Variants in MYO16 observed in about 807,000 individuals in gnomAD.
MYO16 encodes the protein myosin XVI.
Under a neutral mutation model 205.3 loss-of-function variants are expected in MYO16, and 94 were observed. That is an observed-to-expected ratio of 0.46 (90% CI 0.39 to 0.54). The LOEUF (loss-of-function observed/expected upper bound fraction) is 0.54. Among genes scored for constraint, MYO16 ranks in the 20% least tolerant of loss-of-function variants. MYO16 has a pLI of 0.00. For missense variants in MYO16, 2,315 were observed against 2,387.5 expected (o/e 0.97, Z 0.63); for synonymous variants, 988 against 954.0 (o/e 1.04, Z -0.66).
At chr13:109,115,428 G>A (rs1342798138) in intron 28 of MYO16, among the ~76,000 whole-genome samples, 1 of 152,080 alleles carries the variant, frequency 6.6e-6, no homozygotes, top group Non-Finnish European at 1.5e-5. Flanking sequence ...TTTTACAGGA[G>A]TCAGAATGAC....
chr13:108,785,527 C>A, intron 4 of MYO16, 108 bp from the exon 5 acceptor site: 2 of 582,640 alleles, frequency 3.4e-6, no homozygotes, highest in East Asian at 2.9e-5. Flanking sequence ...TGATATCTAC[C>A]GTAGACTATT....
At position 109,125,023 on chromosome 13, in the gene MYO16, C is replaced by G; in HGVS notation, c.3536-89C>G. On this transcript the variant is annotated intron_variant, in intron 29 of 34. Transcript: ENST00000457511. The surrounding 1 kb of genome is among the most constrained non-coding windows in gnomAD (Gnocchi z 4.0). Reference sequence around the variant, plus strand: ...AAATGTACCTTATTCTACAACTGCTCAGAGATAAGTATATTATGATTTTTG... The same window carrying G: ...AAATGTACCTTATTCTACAACTGCTGAGAGATAAGTATATTATGATTTTTG... 7.2e-7 allele frequency: 1 copy of G among 1,382,004 alleles called. No individual in the cohort carries two copies. Among genetic ancestry groups the G allele is most frequent in the Non-Finnish European group, 1.0e-6 (1 of 1,003,322 alleles). 85.6% of individuals were successfully genotyped at this position (1,382,004 alleles called of 1,614,324 possible). A position where few individuals can be genotyped will look rare whatever the true frequency, so the allele number is the denominator to read the frequency against.
rs138313677 is a variant in MYO16, at chr13:108,985,475, C to T, written c.2370-6901C>T. ...CCCAAGAAGTGGACCTCCGCTTTGA[C>T]AGCGTAGCATGTAGCTGACGTGTCA... On this transcript the variant is annotated intron_variant, in intron 20 of 34. Coordinates refer to ENST00000457511, the MANE Select transcript of MYO16 (RefSeq NM_001198950.3). 4.0e-3 allele frequency among the ~76,000 whole-genome samples: 609 copies of T among 152,300 alleles called. 2 individuals carry two copies. Among genetic ancestry groups the T allele is most frequent in the Middle Eastern group, 0.017 (5 of 294 alleles).
chr13:108,728,852 T>G (rs1162100346), intron 4 of MYO16, among the ~76,000 whole-genome samples: 1 of 152,232 alleles, frequency 6.6e-6, no homozygotes, highest in African/African-American at 2.4e-5. Flanking sequence ...ACTGCCCCTC[T>G]TCCCCCCCTC....
chr13:108,629,966 A>G, intron 1 of MYO16, 94 bp downstream of exon 1: 1 of 1,066,534 alleles, frequency 9.4e-7, no homozygotes, highest in Non-Finnish European at 1.4e-6. Flanking sequence ...CTCCTGGTAT[A>G]CCACATTCAG....
At chr13:108,739,402 G>A (rs1463670286) in intron 4 of MYO16, among the ~76,000 whole-genome samples, 1 of 152,110 alleles carries the variant, frequency 6.6e-6, no homozygotes, top group Non-Finnish European at 1.5e-5. Flanking sequence ...ATGAAGCTTA[G>A]TTTGGCTGGA....
chr13:109,158,922 T>C (rs1244309309), intron 32 of MYO16, among the ~76,000 whole-genome samples: 2 of 152,320 alleles, frequency 1.3e-5, no homozygotes, highest in African/African-American at 4.8e-5. Context: ...CCCCTTCACG[T>C]AACTACGGGT....
chr13:108,939,812 C>A (rs543030561), intron 16 of MYO16, among the ~76,000 whole-genome samples: 2 of 152,026 alleles, frequency 1.3e-5, no homozygotes, highest in African/African-American at 4.8e-5. Flanking sequence ...GTGGTACTAC[C>A]TATAGTGTTG....
At chr13:108,949,297 C>T (rs1594418474) in intron 16 of MYO16, among the ~76,000 whole-genome samples, 1 of 152,058 alleles carries the variant, frequency 6.6e-6, no homozygotes, top group African/African-American at 2.4e-5. Flanking sequence ...AACCAAGGAG[C>T]TTAAAAAGCA....
chr13:108,896,128 T>C (rs889117674), intron 14 of MYO16, among the ~76,000 whole-genome samples: 5 of 152,160 alleles, frequency 3.3e-5, no homozygotes, highest in African/African-American at 1.2e-4. Context: ...TAATTACCTG[T>C]AATGTCCTTT....
At chr13:109,068,052 G>A (rs982781665) in intron 27 of MYO16, among the ~76,000 whole-genome samples, 4 of 152,066 alleles carry the variant, frequency 2.6e-5, no homozygotes, top group Non-Finnish European at 4.4e-5. Context: ...CAAATGAAAC[G>A]AAGGTGATTA....
At chr13:108,757,477 TTG>T (rs1222312016) in intron 4 of MYO16, among the ~76,000 whole-genome samples, 1 of 151,274 alleles carries the variant, frequency 6.6e-6, no homozygotes, top group East Asian at 1.9e-4. Context: ...AGCTAGTTTT[TTG>T]GGGTTTTTTT....
intron 12 of MYO16, among the ~76,000 whole-genome samples, chr13:108,871,300 G>A (rs1879040656): frequency 7.0e-6 from 1 of 143,512 alleles, no homozygotes; most frequent in African/African-American, 2.6e-5. Flanking sequence ...CTAATATTGA[G>A]GTCTGTTTCT....
chr13:108,496,671 G>T, the MYO16 span, among the ~76,000 whole-genome samples: 1 of 152,212 alleles, frequency 6.6e-6, no homozygotes, highest in Non-Finnish European at 1.5e-5. Context: ...GACGATTTCC[G>T]TCAAGTTCTC....
intron 27 of MYO16, among the ~76,000 whole-genome samples, chr13:109,068,684 C>A (rs775062668): frequency 6.6e-6 from 1 of 151,866 alleles, no homozygotes; most frequent in South Asian, 2.1e-4. Context: ...CTCCACCTCC[C>A]GAGTTCAAGC....
the MYO16 span, among the ~76,000 whole-genome samples, chr13:108,521,588 G>A: frequency 6.6e-6 from 1 of 152,118 alleles, no homozygotes; most frequent in Non-Finnish European, 1.5e-5. Context: ...ACTTACTGCG[G>A]TCACCTTTTG....
intron 1 of MYO16, among the ~76,000 whole-genome samples, chr13:108,661,553 C>A (rs1307346938): frequency 6.6e-6 from 1 of 152,072 alleles, no homozygotes; most frequent in Non-Finnish European, 1.5e-5. Context: ...AAATTTCTTT[C>A]TTCTACTTGT....
At chr13:109,134,699 G>A (rs1217674905) in intron 31 of MYO16, among the ~76,000 whole-genome samples, 1 of 152,198 alleles carries the variant, frequency 6.6e-6, no homozygotes, top group Non-Finnish European at 1.5e-5. Context: ...GAGAGAGAAA[G>A]CAGTAGATGC....
At chr13:108,905,875 T>C (rs1880947754) in intron 15 of MYO16, among the ~76,000 whole-genome samples, 1 of 152,186 alleles carries the variant, frequency 6.6e-6, no homozygotes, top group Non-Finnish European at 1.5e-5. Flanking sequence ...GAGGGCCAAA[T>C]TCATCACCAT....
Sources: allele counts gnomAD v4.1 joint callset (sites outside exome capture counted in the v4.1 genomes callset), GRCh38; gene constraint gnomAD v4.1.1; non-coding constraint Gnocchi (gnomAD v3.1); transcripts MANE v1.5; gene names NCBI Gene and HGNC (gene_info 2026-07-23, HGNC 2026-07-21).